ITGA9: variants seen among roughly 807,000 people sequenced by gnomAD.
The protein encoded by ITGA9 is integrin subunit alpha 9.
A neutral mutation model predicts 127.8 loss-of-function variants in ITGA9; 56 were observed. That is an observed-to-expected ratio of 0.44 (90% confidence interval 0.35 to 0.55). The LOEUF (loss-of-function observed/expected upper bound fraction) is 0.55, where lower values mean the gene tolerates loss of function less well. ITGA9 is among the 20% of genes least tolerant of loss of function. The pLI, the probability that ITGA9 is intolerant of heterozygous loss-of-function variation, is 0.00. For synonymous variants in ITGA9, 508 were observed against 514.5 expected, an observed-to-expected ratio of 0.99 and a Z score of 0.17; for missense variants, 1,196 against 1,347.1, an observed-to-expected ratio of 0.89 and a Z score of 1.76.
At chr3:37,685,218 A>T (rs375024806) in intron 18 of ITGA9, among the ~76,000 whole-genome samples, 1 of 152,188 alleles carries the variant, frequency 6.6e-6, no homozygotes, top group African/African-American at 2.4e-5. Context: ...TGTGGCCTCA[A>T]TAGTGTTGAC....
At chr3:37,520,301 C>T (rs922758748) in intron 11 of ITGA9, among the ~76,000 whole-genome samples, 1 of 152,134 alleles carries the variant, frequency 6.6e-6, no homozygotes, top group South Asian at 2.1e-4. Context: ...GGAGGCGCTG[C>T]GAAGAGGAGG....
In ITGA9 at chr3:37,800,272, G is replaced by A. The variant is rs553449736; in HGVS notation, c.2890-3551G>A. Among the ~76,000 whole-genome samples the A allele has an allele frequency of 3.3e-5, 5 of 152,310 alleles. No homozygotes were observed. The East Asian group carries it at 7.7e-4, about 23-fold the overall frequency. ...GGGGCTGGGTTTTACAGCTAACCCC[G>A]CTGAGCTCAGTGTCTCAGTCTGATT... On this transcript the variant is annotated intron_variant, in intron 26 of 27. Coordinates refer to ENST00000264741, the MANE Select transcript of ITGA9 (RefSeq NM_002207.3).
intron 15 of ITGA9, among the ~76,000 whole-genome samples, chr3:37,545,685 G>A (rs1341944216): frequency 6.6e-6 from 1 of 152,106 alleles, no homozygotes; most frequent in Non-Finnish European, 1.5e-5. Flanking sequence ...CCTCTTCCCC[G>A]AGACCAGCCC....
At chr3:37,711,500 C>A (rs1263673180) in intron 18 of ITGA9, among the ~76,000 whole-genome samples, 1 of 152,200 alleles carries the variant, frequency 6.6e-6, no homozygotes, top group Non-Finnish European at 1.5e-5. Context: ...AACTCTTGGG[C>A]TCAAGTAATC....
chr3:37,780,639 C>T (rs777104473), intron 25 of ITGA9, among the ~76,000 whole-genome samples: 1 of 152,146 alleles, frequency 6.6e-6, no homozygotes, highest in African/African-American at 2.4e-5. Context: ...AATAAACTTA[C>T]CAGTGCAGGT....
intron 15 of ITGA9, among the ~76,000 whole-genome samples, chr3:37,548,950 T>C (rs1439656802): frequency 6.6e-6 from 1 of 152,204 alleles, no homozygotes; most frequent in East Asian, 1.9e-4. Context: ...AAGGTTGGGA[T>C]GCATAGAACT....
Position 37,732,771 on chromosome 3 carries a change from ATTTCC to A in ITGA9, c.2132_2136del (p.Pro711HisfsTer8). On this transcript the variant is annotated frameshift_variant, in exon 19 of 28. Coordinates refer to ENST00000264741, the MANE Select transcript of ITGA9 (RefSeq NM_002207.3). LOFTEE classifies it high-confidence loss of function. ...CGGACTTCCTCAAATGCAGCGTGGGATTTCCTTTCATGAGGTCAAAGTCAAAGGTA... is the reference window on the plus strand; with the variant it reads ...CGGACTTCCTCAAATGCAGCGTGGGATTTCATGAGGTCAAAGTCAAAGGTA... 1 of 1,611,096 alleles carries A rather than the reference ATTTCC, an allele frequency of 6.2e-7. No individual in the cohort carries two copies. The highest frequency in any genetic ancestry group is 8.5e-7 in the Non-Finnish European group (1 of 1,179,256).
intron 15 of ITGA9, among the ~76,000 whole-genome samples, chr3:37,619,878 C>A (rs571793088): frequency 8.0e-5 from 12 of 150,248 alleles, no homozygotes; most frequent in African/African-American, 2.8e-4. Flanking sequence ...GCTCAGCCTT[C>A]CAGTCTCTTA....
At position 37,648,018 on chromosome 3, in the gene ITGA9, T is replaced by C. The variant is rs79740690; in HGVS notation, c.1840-5696T>C. Among the ~76,000 whole-genome samples, 362 of 152,348 alleles carry C rather than the reference T, an allele frequency of 2.4e-3. 3 individuals carry two copies. Among genetic ancestry groups the C allele is most frequent in the African/African-American group, 8.3e-3 (345 of 41,580 alleles). On this transcript the variant is annotated intron_variant, in intron 16 of 27. Coordinates refer to ENST00000264741, the MANE Select transcript of ITGA9 (RefSeq NM_002207.3). ...CAAATATTTCTATGAGGTACTGATT[T>C]CATTCTCTTTGAGTATATACCCAGA...
At chr3:37,610,614 G>A (rs1188398076) in intron 15 of ITGA9, among the ~76,000 whole-genome samples, 1 of 152,124 alleles carries the variant, frequency 6.6e-6, no homozygotes, top group Non-Finnish European at 1.5e-5. Flanking sequence ...TACCTATGTC[G>A]AGATAATATC....
In ITGA9 at chr3:37,517,661, C is replaced by T. The variant is rs1293182069; in HGVS notation, c.1141+52C>T. The T allele has an allele frequency of 1.3e-5, 17 of 1,329,958 alleles. No homozygotes were observed. The Admixed American group carries it at 3.4e-4, about 26-fold the overall frequency. The allele number at this position is 1,329,958 out of a possible 1,614,324, so 82.4% of individuals were successfully genotyped here. On this transcript the variant is annotated intron_variant, in intron 10 of 27. Transcript: ENST00000264741. ...GCCCCTCCAGGTGCAGCACGCTGCT[C>T]TGTTTCAGAGGGGCAGCCTGCTCGC...
intron 12 of ITGA9, among the ~76,000 whole-genome samples, chr3:37,524,399 C>G (rs1205628008): frequency 6.6e-6 from 1 of 152,176 alleles, no homozygotes; most frequent in Non-Finnish European, 1.5e-5. Context: ...AAAACTAACG[C>G]AGTCTTGTAT....
intron 26 of ITGA9, among the ~76,000 whole-genome samples, chr3:37,795,174 T>A (rs1276727954): frequency 1.3e-5 from 2 of 152,330 alleles, no homozygotes; most frequent in East Asian, 3.9e-4. Flanking sequence ...CTTGCCCTTG[T>A]CATTGACCTT....
In ITGA9 at chr3:37,523,616, G is replaced by A; in HGVS notation, c.1327+5G>A. Reference sequence around the variant, plus strand: ...TGGATGGAAATGGCTATCCTGGTAAGCTGTTTTTCTTTAAAGGCACATGAG... The same window carrying A: ...TGGATGGAAATGGCTATCCTGGTAAACTGTTTTTCTTTAAAGGCACATGAG... On this transcript the variant is annotated splice_donor_5th_base_variant and intron_variant, in intron 12 of 27. Coordinates refer to ENST00000264741, the MANE Select transcript of ITGA9 (RefSeq NM_002207.3). 6.2e-7 allele frequency: 1 copy of A among 1,603,566 alleles called. No homozygotes were observed. The highest frequency in any genetic ancestry group is 8.5e-7 in the Non-Finnish European group (1 of 1,170,470).
intron 23 of ITGA9, among the ~76,000 whole-genome samples, chr3:37,760,293 C>A (rs1321205351): frequency 6.6e-6 from 1 of 150,500 alleles, no homozygotes; most frequent in African/African-American, 2.4e-5. Flanking sequence ...AAGCAAAACA[C>A]CTGAAATGAA....
intron 15 of ITGA9, among the ~76,000 whole-genome samples, chr3:37,586,397 T>C (rs113871298): frequency 9.0e-4 from 137 of 152,298 alleles, no homozygotes; most frequent in African/African-American, 3.1e-3. Context: ...GACAGACGGC[T>C]CTAGGCAGGG....
intron 26 of ITGA9, among the ~76,000 whole-genome samples, chr3:37,796,274 A>C (rs897151501): frequency 7.2e-5 from 11 of 152,098 alleles, no homozygotes; most frequent in African/African-American, 2.7e-4. Flanking sequence ...CTCTATCATG[A>C]GGATCTTTTA....
intron 18 of ITGA9, among the ~76,000 whole-genome samples, chr3:37,712,489 G>A (rs978837324): frequency 1.1e-4 from 16 of 152,184 alleles, no homozygotes; most frequent in African/African-American, 2.4e-5. Flanking sequence ...AACTCTTCTA[G>A]TGACAGCAAT....
At position 37,551,287 on chromosome 3, in the gene ITGA9, C is replaced by G. The variant is rs943133268; in HGVS notation, c.1689+8702C>G. ...TTTGGGATTCTGTTCGCCAGCCCCT[C>G]TGCACTCTGAAGATGCACAGCAGCC... On this transcript the variant is annotated intron_variant, in intron 15 of 27. Coordinates refer to ENST00000264741, the MANE Select transcript of ITGA9 (RefSeq NM_002207.3). 2.7e-4 allele frequency among the ~76,000 whole-genome samples: 41 copies of G among 152,202 alleles called. 1 individual carries two copies. The highest frequency in any genetic ancestry group is 1.5e-4 in the Non-Finnish European group (10 of 68,034).
Sources: allele counts gnomAD v4.1 joint callset (sites outside exome capture counted in the v4.1 genomes callset), GRCh38; gene constraint gnomAD v4.1.1; transcripts MANE v1.5; gene names NCBI Gene and HGNC (gene_info 2026-07-23, HGNC 2026-07-21).